Variants in SH3RF2 observed in about 807,000 individuals in gnomAD.
SH3RF2 encodes E3 ubiquitin-protein ligase SH3RF2.
A neutral mutation model predicts 59.0 loss-of-function variants in SH3RF2; 43 were observed. That is an observed-to-expected ratio of 0.73 (90% CI 0.57 to 0.94). The LOEUF is 0.94. Ranked by LOEUF, SH3RF2 falls within the 40% of genes least tolerant of loss-of-function variation. SH3RF2 has a pLI of 0.00. For synonymous variants in SH3RF2, 391 were observed against 391.5 expected (o/e 1.00, Z 0.01); for missense variants, 930 against 940.1 (o/e 0.99, Z 0.14).
chr5:146,052,190 G>A (rs1580924330), intron 7 of SH3RF2, among the ~76,000 whole-genome samples: 1 of 152,140 alleles, frequency 6.6e-6, no homozygotes, highest in African/African-American at 2.4e-5. Context: ...GTGACCATAT[G>A]CTTTATCATC....
At chr5:146,047,631 A>G in intron 5 of SH3RF2, 141 bp from the exon 6 acceptor site, 1 of 724,320 alleles carries the variant, frequency 1.4e-6, no homozygotes, top group Non-Finnish European at 2.3e-6. Flanking sequence ...CAAACCACAG[A>G]GAGGACGCAC....
chr5:145,962,888 C>CA (rs1272480439), intron 2 of SH3RF2, among the ~76,000 whole-genome samples: 1 of 104,550 alleles, frequency 9.6e-6, no homozygotes, highest in Non-Finnish European at 1.8e-5. Context: ...TATTATTCCA[C>CA]TTTTTTTTTT....
intron 2 of SH3RF2, among the ~76,000 whole-genome samples, chr5:145,950,377 C>T (rs1477447936): frequency 6.6e-6 from 1 of 152,214 alleles, no homozygotes; most frequent in African/African-American, 2.4e-5. Flanking sequence ...TTGGCACCAA[C>T]ATTACCATTC....
At chr5:145,975,519 G>A (rs1473463089) in intron 2 of SH3RF2, among the ~76,000 whole-genome samples, 1 of 152,208 alleles carries the variant, frequency 6.6e-6, no homozygotes, top group Non-Finnish European at 1.5e-5. Flanking sequence ...AGGCAGGTGT[G>A]CTAGTCCTAG....
At chr5:145,988,125 C>A (rs1759787554) in intron 2 of SH3RF2, among the ~76,000 whole-genome samples, 1 of 152,176 alleles carries the variant, frequency 6.6e-6, no homozygotes, top group Admixed American at 6.6e-5. Flanking sequence ...CCAGTGGAGT[C>A]ATGCAGACAG....
chr5:145,992,758 C>T (rs1759999677), intron 2 of SH3RF2, among the ~76,000 whole-genome samples: 1 of 148,148 alleles, frequency 6.8e-6, no homozygotes, highest in African/African-American at 2.5e-5. Flanking sequence ...TCAATTACCT[C>T]CCACTGGGTC....
chr5:146,041,875 G>A (rs1762138689), intron 5 of SH3RF2, among the ~76,000 whole-genome samples: 1 of 152,138 alleles, frequency 6.6e-6, no homozygotes, highest in Non-Finnish European at 1.5e-5. Flanking sequence ...AGGCTGCAGT[G>A]AGCCATGATT....
chr5:145,952,336 G>A (rs1758221851), intron 2 of SH3RF2, among the ~76,000 whole-genome samples: 1 of 152,062 alleles, frequency 6.6e-6, no homozygotes, highest in Admixed American at 6.6e-5. Context: ...CTCATAAAGA[G>A]CCTCTAACCA....
At chr5:146,020,116 G>T (rs758253832) in intron 5 of SH3RF2, among the ~76,000 whole-genome samples, 1 of 152,100 alleles carries the variant, frequency 6.6e-6, no homozygotes, top group Non-Finnish European at 1.5e-5. Context: ...TGACTGTGCT[G>T]GCTAGGAATT....
chr5:146,030,018 G>A (rs548516096), intron 5 of SH3RF2, among the ~76,000 whole-genome samples: 2 of 152,334 alleles, frequency 1.3e-5, no homozygotes, highest in Admixed American at 1.3e-4. Context: ...GCAAGCACCA[G>A]TTTGTCTGTT....
chr5:146,076,122 C>T (rs1009760951), intron 9 of SH3RF2, among the ~76,000 whole-genome samples: 35 of 152,302 alleles, frequency 2.3e-4, no homozygotes, highest in African/African-American at 7.9e-4. Context: ...AATGTGGCAG[C>T]CAGCTTTCCC....
chr5:146,008,294 CAG>C (rs1211030832), intron 4 of SH3RF2, among the ~76,000 whole-genome samples: 1 of 152,208 alleles, frequency 6.6e-6, no homozygotes, highest in Non-Finnish European at 1.5e-5. Flanking sequence ...AGGGCAGACG[CAG>C]AGTCTCCCGG....
downstream of SH3RF2, among the ~76,000 whole-genome samples, chr5:146,064,200 G>C (rs540898357): frequency 6.6e-6 from 1 of 151,828 alleles, no homozygotes; most frequent in South Asian, 2.1e-4. Context: ...ATAAGAGTAA[G>C]AGTGAAAGAG....
chr5:145,983,665 C>A (rs997611299), intron 2 of SH3RF2, among the ~76,000 whole-genome samples: 1 of 152,154 alleles, frequency 6.6e-6, no homozygotes, highest in Admixed American at 6.5e-5. Context: ...GAAAAAGATA[C>A]CTCCTTGCTC....
intron 5 of SH3RF2, among the ~76,000 whole-genome samples, chr5:146,017,495 T>G (rs11949400): frequency 0.33 from 50,755 of 151,582 alleles, 8,960 homozygotes; most frequent in Non-Finnish European, 0.38. Flanking sequence ...TTCCTAAGAG[T>G]TTCTGCTCCT....
rs772556105 is a variant in SH3RF2 at position 145,938,108 on chromosome 5, T to G, written c.180T>G (p.Ile60Met). The G allele has an allele frequency of 6.2e-7, 1 of 1,614,184 alleles. No homozygotes were observed. Among genetic ancestry groups the G allele is most frequent in the South Asian group, 1.1e-5 (1 of 91,086 alleles). Residue 60 changes from isoleucine (I) to methionine (M), a missense_variant, in exon 2 of 10, where the codon ATT (isoleucine) becomes ATG (methionine). Transcript: ENST00000359120. ...GCAGGACGCCTGTGTTTTCCAACAT[T>G]GAGGCGCTGCCGGCCAACCTGCTGC... ...PECRTPVFSN[I>M]EALPANLLLV...
rs547926618 is a variant in SH3RF2, at chr5:146,060,185, C to A, written c.1875C>A (p.Ile625=). 48 of 1,611,642 alleles carry A rather than the reference C, an allele frequency of 3.0e-5. No individual in the cohort carries two copies. In the South Asian group the frequency reaches 4.9e-4, roughly 16 times the overall value. The change falls in exon 9 of 10, where the codon ATC becomes ATA. Residue 625 remains isoleucine, a synonymous_variant. Coordinates refer to ENST00000359120, the MANE Select transcript of SH3RF2 (RefSeq NM_152550.4). ...PKPPASAPPS[I]LVKPENSRNG... is the part of the protein sequence containing the mutation. ...CGCCCGCATCTGCCCCACCATCCATCCTGGTGAAACCAGAAAACTCAAGAA... is the reference window on the plus strand; with the variant it reads ...CGCCCGCATCTGCCCCACCATCCATACTGGTGAAACCAGAAAACTCAAGAA...
At chr5:146,018,042 C>T (rs559960508) in intron 5 of SH3RF2, among the ~76,000 whole-genome samples, 16 of 152,184 alleles carry the variant, frequency 1.1e-4, no homozygotes, top group Admixed American at 3.3e-4. Context: ...TTTTACCAAA[C>T]GGGAAAACTC....
intron 2 of SH3RF2, among the ~76,000 whole-genome samples, chr5:145,998,739 C>T (rs1370343205): frequency 6.6e-6 from 1 of 152,040 alleles, no homozygotes; most frequent in Admixed American, 6.6e-5. Flanking sequence ...AGTGAAACCC[C>T]GTCTCCACCA....
Sources: allele counts gnomAD v4.1 joint callset (sites outside exome capture counted in the v4.1 genomes callset), GRCh38; gene constraint gnomAD v4.1.1; transcripts MANE v1.5; gene names NCBI Gene and HGNC (gene_info 2026-07-23, HGNC 2026-07-21).